The following ARHGAP28 variants were observed in gnomAD, a reference collection of about 807,000 sequenced individuals.
ARHGAP28 encodes rho GTPase-activating protein 28.
Under a neutral mutation model 90.7 loss-of-function variants are expected in ARHGAP28, and 56 were observed. That is an observed-to-expected ratio of 0.62 (90% CI 0.50 to 0.77). The LOEUF is 0.77. Ranked by LOEUF, ARHGAP28 falls within the 30% of genes least tolerant of loss-of-function variation. ARHGAP28 has a pLI of 0.00. For synonymous variants in ARHGAP28, 308 were observed against 323.3 expected (o/e 0.95, Z 0.51); for missense variants, 869 against 900.9 (o/e 0.96, Z 0.45).
Position 6,851,074 on chromosome 18 carries a change from G to T in ARHGAP28, c.584G>T (p.Gly195Val). 6.2e-7 allele frequency: 1 copy of T among 1,614,098 alleles called. No homozygotes were observed. Among genetic ancestry groups the T allele is most frequent in the African/African-American group, 1.3e-5 (1 of 75,030 alleles). The change falls in exon 4 of 18, where the codon GGC becomes GTC. Residue 195 changes from glycine (G) to valine (V), a missense_variant. Gly to Val is a moderately radical substitution (Grantham distance 109, BLOSUM62 -3). Coordinates refer to ENST00000383472, the MANE Select transcript of ARHGAP28 (RefSeq NM_001366230.1). ...TCGNHTNQLD[G>V]TKEERELPRV... The stretch of plus-strand genomic sequence containing the variant: ...GGCAACCACACTAATCAGCTGGATG[G>T]CACCAAGGAAGAAAGAGAGCTTCCA...
At chr18:6,797,093 C>T (rs2056447068) in intron 1 of ARHGAP28, among the ~76,000 whole-genome samples, 1 of 152,144 alleles carries the variant, frequency 6.6e-6, no homozygotes, top group Admixed American at 6.5e-5. Context: ...CTATTTGTTT[C>T]CTTCCTGTTC....
chr18:6,892,970 A>G (rs146363709), intron 14 of ARHGAP28, among the ~76,000 whole-genome samples: 27 of 152,344 alleles, frequency 1.8e-4, no homozygotes, highest in Non-Finnish European at 3.8e-4. Flanking sequence ...TCTCAATCAT[A>G]TGGCCTTTAT....
chr18:6,781,167 A>C (rs1276321107), intron 1 of ARHGAP28, among the ~76,000 whole-genome samples: 2 of 152,130 alleles, frequency 1.3e-5, no homozygotes, highest in African/African-American at 4.8e-5. Flanking sequence ...GCTGGAAGCC[A>C]TTGCATCTGG....
chr18:6,830,480 C>T (rs2056706706), intron 2 of ARHGAP28, among the ~76,000 whole-genome samples: 1 of 152,140 alleles, frequency 6.6e-6, no homozygotes, highest in South Asian at 2.1e-4. Context: ...AGCCCCCCAG[C>T]CCCTGACAGG....
At chr18:6,825,052 C>A (rs1199746544) in intron 2 of ARHGAP28, 88 bp downstream of exon 2, 1 of 1,180,462 alleles carries the variant, frequency 8.5e-7, no homozygotes, top group Non-Finnish European at 1.1e-6. Flanking sequence ...AATCATCCCA[C>A]CAATAGTTTA....
intron 14 of ARHGAP28, among the ~76,000 whole-genome samples, chr18:6,893,196 G>T (rs1318859615): frequency 1.3e-5 from 2 of 152,086 alleles, no homozygotes; most frequent in African/African-American, 4.8e-5. Flanking sequence ...CAAGGTAAAG[G>T]CAAGCCTTTT....
chr18:6,868,357 T>A, intron 6 of ARHGAP28, 123 bp downstream of exon 6: 1 of 792,100 alleles, frequency 1.3e-6, no homozygotes, highest in Non-Finnish European at 2.0e-6. Flanking sequence ...CTGTTGTGAT[T>A]CTGTCACTTC....
At chr18:6,873,877 T>A in intron 9 of ARHGAP28, 102 bp downstream of exon 9, 1 of 1,007,026 alleles carries the variant, frequency 9.9e-7, no homozygotes, top group Non-Finnish European at 1.5e-6. Flanking sequence ...TTAAAGACAC[T>A]ATCGCCCTAT....
chr18:6,855,132 G>T (rs1430457260), intron 4 of ARHGAP28, among the ~76,000 whole-genome samples: 1 of 152,228 alleles, frequency 6.6e-6, no homozygotes, highest in African/African-American at 2.4e-5. Flanking sequence ...GTGGGAGGCA[G>T]ACAGGTTGCT....
chr18:6,747,587 A>G (rs1159315619), intron 1 of ARHGAP28, among the ~76,000 whole-genome samples: 1 of 152,232 alleles, frequency 6.6e-6, no homozygotes, highest in Non-Finnish European at 1.5e-5. Context: ...AGTAATTAAA[A>G]TATTGAATTA....
intron 1 of ARHGAP28, among the ~76,000 whole-genome samples, chr18:6,773,262 A>C (rs1015587701): frequency 1.3e-5 from 2 of 152,178 alleles, no homozygotes; most frequent in Admixed American, 1.3e-4. Context: ...CCTGTGACCT[A>C]GGTGCCAATG....
Position 6,841,198 on chromosome 18 carries a change from TCTCTCCTCTC to T in ARHGAP28, c.543+3790_543+3799del, listed in dbSNP as rs1222771175. ...TCTCTCTCCTCTCTCTCTCTCTCTC[TCTCTCCTCTC>T]CTCTCTCTCTCTCTCCCCCCAACCC... On this transcript the variant is annotated intron_variant, in intron 3 of 17. Transcript: ENST00000383472. 8.9e-3 allele frequency among the ~76,000 whole-genome samples: 573 copies of T among 64,556 alleles called. 5 individuals are homozygous for T. The highest frequency in any genetic ancestry group is 0.032 in the Middle Eastern group (5 of 154). The allele number at this position is 64,556 out of a possible 152,430, so 42.4% of individuals were successfully genotyped here. A position where few individuals can be genotyped will look rare whatever the true frequency, so the allele number is the denominator to read the frequency against.
At chr18:6,891,303 A>G (rs1418572168) in intron 14 of ARHGAP28, among the ~76,000 whole-genome samples, 1 of 151,870 alleles carries the variant, frequency 6.6e-6, no homozygotes, top group Non-Finnish European at 1.5e-5. Flanking sequence ...TGAGGATGCA[A>G]CATTGGAGCT....
chr18:6,735,869 C>A lies in ARHGAP28; in HGVS notation c.122+5926C>A, dbSNP rs145471425. Reference sequence around the variant, plus strand: ...CAGCCTGACCAAGCTTATGCATTTTCGATGAGAAATCTGTGGAAGTAATAT... The same window carrying A: ...CAGCCTGACCAAGCTTATGCATTTTAGATGAGAAATCTGTGGAAGTAATAT... On this transcript the variant is annotated intron_variant, in intron 1 of 17. Transcript: ENST00000383472. Among the ~76,000 whole-genome samples the A allele has an allele frequency of 1.7e-3, 258 of 152,142 alleles. 1 individual carries two copies. The highest frequency in any genetic ancestry group is 5.9e-3 in the African/African-American group (246 of 41,516).
chr18:6,911,466 C>T (rs2057399009), intron 17 of ARHGAP28, among the ~76,000 whole-genome samples: 1 of 151,140 alleles, frequency 6.6e-6, no homozygotes, highest in Non-Finnish European at 1.5e-5. Context: ...GACGGGATCT[C>T]ACTCTGTCAC....
At position 6,894,859 on chromosome 18, in the gene ARHGAP28, G is replaced by A. The variant is rs1442509871; in HGVS notation, c.1873G>A (p.Val625Ile). The change falls in exon 15 of 18, where the codon GTA (valine) becomes ATA (isoleucine). Residue 625 changes from valine to isoleucine, a missense_variant. Val to Ile is a conservative substitution (Grantham distance 29). Transcript: ENST00000383472. Reference protein sequence around the residue: ...RETASPKTSKVLQKSPSARRM... With the variant: ...RETASPKTSKILQKSPSARRM... Reference sequence around the variant, plus strand: ...GACTGCAAGCCCCAAGACTTCAAAGGTACTGCAAAAATCACCCTCGGCAAG... The same window carrying A: ...GACTGCAAGCCCCAAGACTTCAAAGATACTGCAAAAATCACCCTCGGCAAG... 2 of 1,613,840 alleles carry A rather than the reference G, an allele frequency of 1.2e-6. No homozygotes were observed. The highest frequency in any genetic ancestry group is 4.5e-5 in the East Asian group (2 of 44,876).
intron 3 of ARHGAP28, among the ~76,000 whole-genome samples, chr18:6,838,594 A>G (rs1259319507): frequency 6.6e-6 from 1 of 152,230 alleles, no homozygotes; most frequent in Non-Finnish European, 1.5e-5. Flanking sequence ...ATGACTACCA[A>G]CACTTTAAAT....
At chr18:6,830,525 GT>G (rs1177944310) in intron 2 of ARHGAP28, among the ~76,000 whole-genome samples, 2 of 152,012 alleles carry the variant, frequency 1.3e-5, no homozygotes, top group Non-Finnish European at 2.9e-5. Context: ...CTGTGTCCAT[GT>G]ATTCTCATTG....
intron 1 of ARHGAP28, among the ~76,000 whole-genome samples, chr18:6,753,337 A>T (rs1251156648): frequency 6.6e-6 from 1 of 152,102 alleles, no homozygotes. Context: ...TAGTCTTTAA[A>T]TTTTTTTTGG....
Sources: gnomAD v4.1 joint callset for allele counts (sites outside exome capture counted in the v4.1 genomes callset) on GRCh38, gnomAD v4.1.1 for gene constraint, MANE v1.5 for transcripts, NCBI Gene and HGNC (gene_info 2026-07-23, HGNC 2026-07-21) for gene names.